Variants in XPR1 observed in about 807,000 individuals in gnomAD.
XPR1 encodes the protein xenotropic and polytropic retrovirus receptor 1.
In XPR1, 28 loss-of-function variants were observed where a neutral mutation model predicts 87.5. That is an observed-to-expected ratio of 0.32 (90% CI 0.24 to 0.44). XPR1 has a LOEUF of 0.44. XPR1 is among the 20% of genes least tolerant of loss of function. The pLI, the probability that XPR1 is intolerant of heterozygous loss-of-function variation, is 1.00. For missense variants in XPR1, 559 were observed against 862.3 expected (o/e 0.65, Z 4.41); for synonymous variants, 300 against 306.1 (o/e 0.98, Z 0.21).
intron 2 of XPR1, among the ~76,000 whole-genome samples, chr1:180,780,312 T>TA (rs1393135444): frequency 6.6e-6 from 1 of 152,202 alleles, no homozygotes; most frequent in Non-Finnish European, 1.5e-5. Flanking sequence ...TGCATATTCT[T>TA]ACCAACACTT....
At chr1:180,666,270 G>A (rs555947719) in intron 1 of XPR1, among the ~76,000 whole-genome samples, 155 of 152,128 alleles carry the variant, frequency 1.0e-3, no homozygotes, top group Non-Finnish European at 1.9e-3. Context: ...GCTGTTCAGC[G>A]TCCCTTGAGA....
chr1:180,670,889 GT>G (rs1004056148), intron 1 of XPR1, among the ~76,000 whole-genome samples: 1 of 152,074 alleles, frequency 6.6e-6, no homozygotes, highest in Non-Finnish European at 1.5e-5. Context: ...TTGGTTGATA[GT>G]TTTTCTCTTT....
intron 2 of XPR1, among the ~76,000 whole-genome samples, chr1:180,745,998 A>T (rs1280347718): frequency 6.6e-6 from 1 of 152,214 alleles, no homozygotes; most frequent in African/African-American, 2.4e-5. Context: ...CAGAAGTCCA[A>T]AATGGATCTC....
chr1:180,799,138 T>G (rs1171782649), intron 3 of XPR1, among the ~76,000 whole-genome samples: 1 of 152,198 alleles, frequency 6.6e-6, no homozygotes, highest in Non-Finnish European at 1.5e-5. Context: ...CAGTTTCATC[T>G]TCCAATTCAG....
chr1:180,694,341 A>G (rs1195446160), intron 2 of XPR1, among the ~76,000 whole-genome samples: 2 of 152,170 alleles, frequency 1.3e-5, no homozygotes, highest in East Asian at 3.8e-4. Context: ...CAAATGAGGC[A>G]TTTGCTTCAC....
rs568228075 is a variant in XPR1, at chr1:180,861,061, G to C, written c.1502-2647G>C. Among the ~76,000 whole-genome samples, 8 of 152,096 alleles carry C rather than the reference G, an allele frequency of 5.3e-5. 1 individual carries two copies. The South Asian group carries it at 1.5e-3, about 28-fold the overall frequency. ...ATTAGTAAAGAAAGAAAGAAAATCAGCTTTCTGTAATAAGACTCCATATCA... is the reference window on the plus strand; with the variant it reads ...ATTAGTAAAGAAAGAAAGAAAATCACCTTTCTGTAATAAGACTCCATATCA... On this transcript the variant is annotated intron_variant, in intron 11 of 14. Transcript: ENST00000367590.
At chr1:180,835,126 A>G in intron 10 of XPR1, 81 bp downstream of exon 10, 1 of 1,450,332 alleles carries the variant, frequency 6.9e-7, no homozygotes, top group South Asian at 1.5e-5. Flanking sequence ...GAGAAAGTTA[A>G]GGTCATGATG....
intron 7 of XPR1, among the ~76,000 whole-genome samples, chr1:180,824,002 TC>T (rs1259068677): frequency 6.6e-6 from 1 of 152,228 alleles, no homozygotes. Context: ...TGTGTACTGT[TC>T]CTTCTCATTT....
At chr1:180,739,765 G>T (rs1056218580) in intron 2 of XPR1, among the ~76,000 whole-genome samples, 1 of 151,928 alleles carries the variant, frequency 6.6e-6, no homozygotes, top group Non-Finnish European at 1.5e-5. Flanking sequence ...TTTCCAGACA[G>T]GGTCTCACTA....
At chr1:180,644,608 A>G (rs1367953977) in intron 1 of XPR1, among the ~76,000 whole-genome samples, 3 of 152,168 alleles carry the variant, frequency 2.0e-5, no homozygotes, top group Admixed American at 1.3e-4. Context: ...AAAACAGTGG[A>G]AATATCTTTC....
intron 2 of XPR1, among the ~76,000 whole-genome samples, chr1:180,775,888 A>G (rs530983886): frequency 3.3e-4 from 50 of 152,314 alleles, no homozygotes; most frequent in Non-Finnish European, 6.8e-4. Flanking sequence ...ATTCATTTAC[A>G]TATGTACTAA....
intron 1 of XPR1, among the ~76,000 whole-genome samples, chr1:180,671,394 A>G (rs1019676284): frequency 1.3e-5 from 2 of 152,222 alleles, no homozygotes; most frequent in Admixed American, 1.3e-4. Flanking sequence ...TGGCAGTGGA[A>G]TTGACTGTAT....
At chr1:180,776,317 A>G (rs575641910) in intron 2 of XPR1, among the ~76,000 whole-genome samples, 4 of 152,250 alleles carry the variant, frequency 2.6e-5, no homozygotes, top group East Asian at 1.9e-4. Flanking sequence ...ATTTATGTCT[A>G]TAAGATGAAA....
chr1:180,738,556 A>T (rs954632515), intron 2 of XPR1, among the ~76,000 whole-genome samples: 1 of 152,164 alleles, frequency 6.6e-6, no homozygotes, highest in Non-Finnish European at 1.5e-5. Context: ...TCAGTTGTTT[A>T]GTGGTTTTAG....
intron 11 of XPR1, among the ~76,000 whole-genome samples, chr1:180,837,023 TC>T (rs1353255963): frequency 5.3e-5 from 8 of 152,212 alleles, no homozygotes; most frequent in Non-Finnish European, 1.2e-4. Flanking sequence ...TTTTTAGACT[TC>T]CTTGTTCATT....
rs542272374 is a variant in XPR1, at chr1:180,658,126, A to G, written c.70-24234A>G. On this transcript the variant is annotated intron_variant, in intron 1 of 14. Coordinates refer to ENST00000367590, the MANE Select transcript of XPR1 (RefSeq NM_004736.4). ...ATACAGAAATGCTACTGATTTTTGCATGTCGATTTTGTATCCTGCAACTTT... is the reference window on the plus strand; with the variant it reads ...ATACAGAAATGCTACTGATTTTTGCGTGTCGATTTTGTATCCTGCAACTTT... Among the ~76,000 whole-genome samples, 6 of 152,194 alleles carry G rather than the reference A, an allele frequency of 3.9e-5. No homozygotes were observed. The South Asian group carries it at 1.0e-3, about 26-fold the overall frequency.
At chr1:180,770,551 C>G (rs1648475467) in intron 2 of XPR1, among the ~76,000 whole-genome samples, 2 of 152,158 alleles carry the variant, frequency 1.3e-5, no homozygotes, top group African/African-American at 4.8e-5. Context: ...TGGGGAGACA[C>G]ACAGTCATTT....
chr1:180,685,116 G>A (rs1165625690), intron 2 of XPR1, among the ~76,000 whole-genome samples: 1 of 152,062 alleles, frequency 6.6e-6, no homozygotes, highest in Non-Finnish European at 1.5e-5. Flanking sequence ...GATATTGGCT[G>A]TGGGTTTGTC....
At chr1:180,778,249 A>C (rs1571828965) in intron 2 of XPR1, among the ~76,000 whole-genome samples, 1 of 152,030 alleles carries the variant, frequency 6.6e-6, no homozygotes, top group African/African-American at 2.4e-5. Flanking sequence ...CTCCCAAAGC[A>C]CTGGGATTAC....
Sources: allele counts gnomAD v4.1 joint callset (sites outside exome capture counted in the v4.1 genomes callset), GRCh38; gene constraint gnomAD v4.1.1; transcripts MANE v1.5; gene names NCBI Gene and HGNC (gene_info 2026-07-23, HGNC 2026-07-21).